Variants in HLX observed in about 807,000 individuals in gnomAD.
HLX encodes H2.0-like homeobox protein.
A neutral mutation model predicts 27.7 loss-of-function variants in HLX; 6 were observed. The observed-to-expected ratio is 0.22, with a 90% CI of 0.12 to 0.43. The LOEUF (loss-of-function observed/expected upper bound fraction) is 0.43. Ranked by LOEUF, HLX falls within the 20% of genes least tolerant of loss-of-function variation. HLX has a pLI of 1.00. For missense variants in HLX, 666 were observed against 655.2 expected, an observed-to-expected ratio of 1.02 and a Z score of -0.18; for synonymous variants, 328 against 293.8, an observed-to-expected ratio of 1.12 and a Z score of -1.19.
chr1:220,880,289 T>C lies in HLX; in HGVS notation c.432T>C (p.Ala144=), dbSNP rs1674396871. ...AACAGCCTCCGCCTCCGCCCCGGGC[T>C]GGCGCCCTGCAGCCCCCGGCCTCGG... The part of the protein sequence containing the change: ...QQQQPPPPPR[A]GALQPPASGT... The change falls in exon 1 of 4, where the codon GCT becomes GCC. Residue 144 remains alanine, a synonymous_variant. Transcript: ENST00000366903. 1.2e-6 allele frequency: 2 copies of C among 1,609,540 alleles called. No homozygotes were observed. The highest frequency in any genetic ancestry group is 1.7e-5 in the Admixed American group (1 of 59,804).
At chr1:220,883,879 G>GAGT (rs2102643252) in intron 3 of HLX, 1 of 433,816 alleles carries the variant, frequency 2.3e-6, no homozygotes, top group East Asian at 4.1e-5. Context: ...AGTAGAGAGA[G>GAGT]AGTATGTTGG....
chr1:220,880,039 C>A lies in HLX; in HGVS notation c.182C>A (p.Pro61Gln). 1 of 1,592,600 alleles carries A rather than the reference C, an allele frequency of 6.3e-7. No homozygotes were observed. Residue 61 changes from proline (P) to glutamine (Q), a missense_variant, in exon 1 of 4, where the codon CCG becomes CAG. By Grantham distance (76) the Pro-to-Gln change is moderately conservative (BLOSUM62 -1). Transcript: ENST00000366903. ...HAGVGDLGAA[P>Q]EGLAGASAAA... ...GGCGTGGGGGATCTGGGGGCGGCCCCGGAGGGCCTGGCAGGGGCCTCGGCC... is the reference window on the plus strand; with the variant it reads ...GGCGTGGGGGATCTGGGGGCGGCCCAGGAGGGCCTGGCAGGGGCCTCGGCC...
chr1:220,881,465 G>A (rs1426632978), intron 2 of HLX, 92 bp downstream of exon 2: 5 of 1,071,502 alleles, frequency 4.7e-6, no homozygotes, highest in Admixed American at 1.7e-5. Context: ...CCACGGTGTC[G>A]CAATCTCACA....
At chr1:220,881,764 AC>A (rs1457744902) in intron 2 of HLX, 2 of 8,818 alleles carry the variant, frequency 2.3e-4, no homozygotes, top group South Asian at 5.8e-4. Flanking sequence ...GCGGGAATAA[AC>A]ACACACACAC....
intron 1 of HLX, 32 bp from the exon 2 acceptor site, chr1:220,881,162 T>C (rs1423195648): frequency 1.6e-5 from 25 of 1,598,112 alleles, no homozygotes; most frequent in Non-Finnish European, 2.1e-5. Flanking sequence ...GTGCCCGAGA[T>C]GTAACCTGCT....
Position 220,884,876 on chromosome 1 carries a change from T to C in HLX, c.*172T>C. On this transcript the variant is annotated 3_prime_UTR_variant, in exon 4 of 4. Coordinates refer to ENST00000366903, the MANE Select transcript of HLX (RefSeq NM_021958.4). The surrounding 1 kb of genome is among the most constrained non-coding windows in gnomAD (Gnocchi z 4.9). ...TGCTCCGACTGGCTGCAGCGGACACTGCCCAAAGCAGAGGGGAGTCTCAGT... is the reference window on the plus strand; with the variant it reads ...TGCTCCGACTGGCTGCAGCGGACACCGCCCAAAGCAGAGGGGAGTCTCAGT... 9.3e-7 allele frequency: 1 copy of C among 1,070,590 alleles called. No individual in the cohort carries two copies. The highest frequency in any genetic ancestry group is 1.3e-6 in the Non-Finnish European group (1 of 761,820). The allele number at this position is 1,070,590 out of a possible 1,614,324, so 66.3% of individuals were successfully genotyped here. A position where few individuals can be genotyped will look rare whatever the true frequency, so the allele number is the denominator to read the frequency against.
Position 220,884,159 on chromosome 1 carries a change from G to A in HLX, c.958-36G>A. 6.2e-7 allele frequency: 1 copy of A among 1,611,046 alleles called. No homozygotes were observed. The highest frequency in any genetic ancestry group is 8.5e-7 in the Non-Finnish European group (1 of 1,177,640). ...AGGAGCAAACCTGGGTCTCATCTCG[G>A]TGTCTCTTCTTGTCTCCCGGTGTGG... On this transcript the variant is annotated intron_variant, in intron 3 of 3. Transcript: ENST00000366903. This position sits in a 1 kb window ranked among gnomAD's most constrained non-coding sequence, Gnocchi z 4.9.
At position 220,884,026 on chromosome 1, in the gene HLX, G is replaced by C; in HGVS notation, c.958-169G>C. 1 of 679,350 alleles carries C rather than the reference G, an allele frequency of 1.5e-6. No individual in the cohort carries two copies. 42.1% of individuals were successfully genotyped at this position (679,350 alleles called of 1,614,324 possible). On this transcript the variant is annotated intron_variant, in intron 3 of 3. Coordinates refer to ENST00000366903, the MANE Select transcript of HLX (RefSeq NM_021958.4). This position sits in a 1 kb window ranked among gnomAD's most constrained non-coding sequence, Gnocchi z 4.9. Reference sequence around the variant, plus strand: ...CTGGCTTCTTGTGTTCCCCTGGGCTGCCCCTTGGCTCCTGCGCCTACCACA... The same window carrying C: ...CTGGCTTCTTGTGTTCCCCTGGGCTCCCCCTTGGCTCCTGCGCCTACCACA...
In HLX at chr1:220,881,381, A is replaced by G; in HGVS notation, c.772+8A>G. On this transcript the variant is annotated splice_region_variant and intron_variant, in intron 2 of 3. Coordinates refer to ENST00000366903, the MANE Select transcript of HLX (RefSeq NM_021958.4). ...TCCAAGACACGTTTCCAGGTACGGAAAAACTCCAGAGTACTGCCTAACGGG... is the reference window on the plus strand; with the variant it reads ...TCCAAGACACGTTTCCAGGTACGGAGAAACTCCAGAGTACTGCCTAACGGG... The G allele has an allele frequency of 6.2e-7, 1 of 1,611,968 alleles. No homozygotes were observed. The highest frequency in any genetic ancestry group is 2.2e-5 in the East Asian group (1 of 44,870).
rs1262584519 is a variant in HLX at position 220,880,043 on chromosome 1, G to A, written c.186G>A (p.Glu62=). ...AGVGDLGAAP[E]GLAGASAAAL... ...TGGGGGATCTGGGGGCGGCCCCGGA[G>A]GGCCTGGCAGGGGCCTCGGCCGCCG... is the stretch of plus-strand genomic sequence containing the variant. Residue 62 remains glutamate, a synonymous_variant, in exon 1 of 4, where the codon GAG becomes GAA. Coordinates refer to ENST00000366903, the MANE Select transcript of HLX (RefSeq NM_021958.4). The A allele has an allele frequency of 6.3e-7, 1 of 1,590,636 alleles. No individual in the cohort carries two copies. The highest frequency in any genetic ancestry group is 8.5e-7 in the Non-Finnish European group (1 of 1,173,792).
rs375198616 is a variant in HLX at position 220,882,215 on chromosome 1, A to G, written c.824A>G (p.Lys275Arg). The part of the protein sequence containing the change: ...KDTMPQTYKR[K>R]RSWSRAVFSN... The stretch of plus-strand genomic sequence containing the variant: ...ACCATGCCGCAGACGTACAAAAGGA[A>G]GCGTTCATGGTCGCGCGCTGTGTTC... Residue 275 changes from lysine (K) to arginine (R), a missense_variant, in exon 3 of 4, where the codon AAG (lysine) becomes AGG (arginine). Transcript: ENST00000366903. 6.2e-7 allele frequency: 1 copy of G among 1,614,120 alleles called. No individual in the cohort carries two copies. The highest frequency in any genetic ancestry group is 1.3e-5 in the African/African-American group (1 of 74,938).
chr1:220,884,719 G>A lies in HLX; in HGVS notation c.*15G>A, dbSNP rs1396441041. On this transcript the variant is annotated 3_prime_UTR_variant, in exon 4 of 4. Transcript: ENST00000366903. The surrounding 1 kb of genome is among the most constrained non-coding windows in gnomAD (Gnocchi z 4.9). ...GCTGCTTATAGACTGTACTAGGGCG[G>A]AGGGGATCCGGGCCTTGCGTGCAGC... 6 of 1,604,926 alleles carry A rather than the reference G, an allele frequency of 3.7e-6. No individual in the cohort carries two copies. The highest frequency in any genetic ancestry group is 1.1e-5 in the South Asian group (1 of 90,636).
intron 2 of HLX, 92 bp downstream of exon 2, chr1:220,881,465 G>C (rs1426632978): frequency 3.7e-6 from 4 of 1,071,514 alleles, no homozygotes; most frequent in African/African-American, 1.5e-5. Context: ...CCACGGTGTC[G>C]CAATCTCACA....
Position 220,881,153 on chromosome 1 carries a change from T to TGCCC in HLX, c.593-39_593-36dup, listed in dbSNP as rs1674428270. 3.8e-6 allele frequency: 6 copies of TGCCC among 1,558,602 alleles called. No individual in the cohort carries two copies. The East Asian group carries it at 1.3e-4, about 35-fold the overall frequency. On this transcript the variant is annotated intron_variant, in intron 1 of 3. Coordinates refer to ENST00000366903, the MANE Select transcript of HLX (RefSeq NM_021958.4). ...AACAAATCAGCGGAGAGTGTGAGTG[T>TGCCC]GCCCGAGATGTAACCTGCTATCCTT...
Position 220,879,916 on chromosome 1 carries a change from C to T in HLX, c.59C>T (p.Ala20Val). 2 of 1,596,352 alleles carry T rather than the reference C, an allele frequency of 1.3e-6. No homozygotes were observed. Among genetic ancestry groups the T allele is most frequent in the East Asian group, 2.2e-5 (1 of 44,568 alleles). ...TCCAACTTCAGCCTCTGGTCGGCCGCTTACTGCTCCTCGGCCGGCCCAGGC... is the reference window on the plus strand; with the variant it reads ...TCCAACTTCAGCCTCTGGTCGGCCGTTTACTGCTCCTCGGCCGGCCCAGGC... ...YASNFSLWSA[A>V]YCSSAGPGGC... The change falls in exon 1 of 4, where the codon GCT becomes GTT. Residue 20 changes from alanine (A) to valine (V), a missense_variant. Coordinates refer to ENST00000366903, the MANE Select transcript of HLX (RefSeq NM_021958.4).
Position 220,884,325 on chromosome 1 carries a change from A to T in HLX, c.1088A>T (p.Asp363Val), listed in dbSNP as rs141255580. ...GCCCCGGCTGCGGATGGCGAGCAGG[A>T]CGAGAGGAGCCCCAGCCGTTCTGAA... is the stretch of plus-strand genomic sequence containing the variant. ...GGAPAADGEQDERSPSRSEGE... is the reference protein window; with the variant it reads ...GGAPAADGEQVERSPSRSEGE... Residue 363 changes from aspartate to valine, a missense_variant, in exon 4 of 4, where the codon GAC becomes GTC. Asp to Val is a radical substitution (Grantham distance 152, BLOSUM62 -3). Coordinates refer to ENST00000366903, the MANE Select transcript of HLX (RefSeq NM_021958.4). This position sits in a 1 kb window ranked among gnomAD's most constrained non-coding sequence, Gnocchi z 4.9. 26 of 1,613,770 alleles carry T rather than the reference A, an allele frequency of 1.6e-5. No homozygotes were observed. The African/African-American group carries it at 2.9e-4, about 18-fold the overall frequency.
chr1:220,882,374 C>T (rs753972274), intron 3 of HLX, 26 bp downstream of exon 3: 2 of 1,611,044 alleles, frequency 1.2e-6, no homozygotes, highest in South Asian at 2.2e-5. Flanking sequence ...CTCCAGCGCA[C>T]AGCGCCCTCG....
At chr1:220,881,462 G>A in intron 2 of HLX, 89 bp downstream of exon 2, 1 of 1,109,706 alleles carries the variant, frequency 9.0e-7, no homozygotes, top group South Asian at 1.2e-5. Flanking sequence ...CTGCCACGGT[G>A]TCGCAATCTC....
chr1:220,881,797 C>T (rs1674452063), intron 2 of HLX: 2 of 398,176 alleles, frequency 5.0e-6, no homozygotes, highest in Non-Finnish European at 9.5e-6. Context: ...CACACACACA[C>T]ACACACACAC....
Sources: gnomAD v4.1 joint callset for allele counts on GRCh38, gnomAD v4.1.1 for gene constraint, Gnocchi (gnomAD v3.1) non-coding constraint, MANE v1.5 for transcripts, NCBI Gene and HGNC (gene_info 2026-07-23, HGNC 2026-07-21) for gene names.